The following PIK3CG variants were observed in gnomAD, a reference collection of about 807,000 sequenced individuals.
The protein encoded by PIK3CG is phosphatidylinositol 4,5-bisphosphate 3-kinase catalytic subunit gamma isoform.
A neutral mutation model predicts 102.3 loss-of-function variants in PIK3CG; 55 were observed. The ratio of observed to expected loss-of-function variants is 0.54; its 90% confidence interval spans 0.43 to 0.67. PIK3CG has a LOEUF of 0.67. Among genes scored for constraint, PIK3CG ranks in the 30% least tolerant of loss-of-function variants. The probability of loss-of-function intolerance (pLI) is 0.00; values close to 1 mark genes in which losing one functional copy is unlikely to be tolerated. For synonymous variants in PIK3CG, 552 were observed against 540.0 expected (o/e 1.02, Z -0.31); for missense variants, 1,258 against 1,391.8 (o/e 0.90, Z 1.53).
chr7:106,871,652 T>C (rs1180999119), intron 2 of PIK3CG, among the ~76,000 whole-genome samples: 3 of 103,006 alleles, frequency 2.9e-5, no homozygotes, highest in Non-Finnish European at 5.9e-5. Flanking sequence ...TATATATGCT[T>C]TTATAATAAT....
intron 2 of PIK3CG, among the ~76,000 whole-genome samples, chr7:106,870,595 G>T (rs998078115): frequency 1.3e-5 from 2 of 152,128 alleles, no homozygotes; most frequent in Middle Eastern, 3.2e-3. Flanking sequence ...CAGTCCAGGG[G>T]TCCAAGGGAC....
chr7:106,875,862 G>A (rs1467123942), intron 5 of PIK3CG, among the ~76,000 whole-genome samples: 1 of 148,660 alleles, frequency 6.7e-6, no homozygotes, highest in Non-Finnish European at 1.5e-5. Flanking sequence ...ATGAGTTCTA[G>A]TTGTTTCACA....
In PIK3CG at chr7:106,884,479, C is replaced by T. The variant is rs1791028218; in HGVS notation, c.2872+213C>T. ...CCCATTAAACACTAACTCCCCATGCCTCCCTCCTTTCAGAACGGAGTAGTC... is the reference window on the plus strand; with the variant it reads ...CCCATTAAACACTAACTCCCCATGCTTCCCTCCTTTCAGAACGGAGTAGTC... On this transcript the variant is annotated intron_variant, in intron 9 of 10. Coordinates refer to ENST00000496166, the MANE Select transcript of PIK3CG (RefSeq NM_001282426.2). This position sits in a 1 kb window ranked among gnomAD's most constrained non-coding sequence, Gnocchi z 4.2. 6.6e-6 allele frequency among the ~76,000 whole-genome samples: 1 copy of T among 152,200 alleles called. No individual in the cohort carries two copies. Among genetic ancestry groups the T allele is most frequent in the African/African-American group, 2.4e-5 (1 of 41,450 alleles).
Position 106,892,605 on chromosome 7 carries a change from C to T in PIK3CG, c.3030+6313C>T, listed in dbSNP as rs1468217626. 2.0e-5 allele frequency among the ~76,000 whole-genome samples: 3 copies of T among 152,230 alleles called. No homozygotes were observed. In the South Asian group the frequency reaches 6.2e-4, roughly 31 times the overall value. ...TGCAGATTATCTGTAGTGTATCAGA[C>T]ACTGCATTGGGCATAGGTGAGACAA... is the stretch of plus-strand genomic sequence containing the variant. On this transcript the variant is annotated intron_variant, in intron 10 of 10. Coordinates refer to ENST00000496166, the MANE Select transcript of PIK3CG (RefSeq NM_001282426.2). This position sits in a 1 kb window ranked among gnomAD's most constrained non-coding sequence, Gnocchi z 5.2.
Position 106,894,637 on chromosome 7 carries a change from C to A in PIK3CG, c.3030+8345C>A, listed in dbSNP as rs1049100820. ...AAAAACAAAATAACAAAATAAAATT[C>A]TCTGCCTTTGACTGGAATGATTTTT... On this transcript the variant is annotated intron_variant, in intron 10 of 10. Coordinates refer to ENST00000496166, the MANE Select transcript of PIK3CG (RefSeq NM_001282426.2). The surrounding 1 kb of genome is among the most constrained non-coding windows in gnomAD (Gnocchi z 4.4). Among the ~76,000 whole-genome samples the A allele has an allele frequency of 3.3e-5, 5 of 152,156 alleles. No individual in the cohort carries two copies. Among genetic ancestry groups the A allele is most frequent in the African/African-American group, 1.2e-4 (5 of 41,426 alleles).
At chr7:106,875,623 C>T (rs995520633) in intron 5 of PIK3CG, among the ~76,000 whole-genome samples, 1 of 152,076 alleles carries the variant, frequency 6.6e-6, no homozygotes, top group African/African-American at 2.4e-5. Context: ...ATTTTACTTT[C>T]CATAATGCTT....
At position 106,905,247 on chromosome 7, in the gene PIK3CG, G is replaced by A. The variant is rs2116618627; in HGVS notation, c.3169G>A (p.Val1057Met). 4 of 1,614,162 alleles carry A rather than the reference G, an allele frequency of 2.5e-6. No homozygotes were observed. The South Asian group carries it at 3.3e-5, about 13-fold the overall frequency. Residue 1057 changes from valine to methionine, a missense_variant, in exon 11 of 11, where the codon GTG (valine) becomes ATG (methionine). Around this residue, in one of 2 missense-constraint regions of PIK3CG, gnomAD observed 426 missense variants for 604.2 expected, o/e 0.71. Transcript: ENST00000496166. This position sits in a 1 kb window ranked among gnomAD's most constrained non-coding sequence, Gnocchi z 5.6. ...DIEYIRDALT[V>M]GKNEEDAKKY... ...TGAATATATCCGGGATGCCCTCACA[G>A]TGGGGAAAAATGAGGAGGATGCTAA...
At position 106,868,667 on chromosome 7, in the gene PIK3CG, A is replaced by C. The variant is rs774943298; in HGVS notation, c.1106A>C (p.Asp369Ala). Residue 369 changes from aspartate (D) to alanine (A), a missense_variant, in exon 2 of 11, where the codon GAT becomes GCT. Coordinates refer to ENST00000496166, the MANE Select transcript of PIK3CG (RefSeq NM_001282426.2). The surrounding 1 kb of genome is among the most constrained non-coding windows in gnomAD (Gnocchi z 6.2). ...TTCAGGGTCAAGATCAGAGGCATTG[A>C]TATCCCCGTCCTGCCTCGGAACACC... Reference protein sequence around the residue: ...RKFRVKIRGIDIPVLPRNTDL... With the variant: ...RKFRVKIRGIAIPVLPRNTDL... 4 of 1,614,072 alleles carry C rather than the reference A, an allele frequency of 2.5e-6. No homozygotes were observed. The highest frequency in any genetic ancestry group is 3.3e-4 in the Middle Eastern group (2 of 6,084).
At chr7:106,896,962 A>G (rs1791424708) in intron 10 of PIK3CG, among the ~76,000 whole-genome samples, 1 of 152,188 alleles carries the variant, frequency 6.6e-6, no homozygotes, top group Non-Finnish European at 1.5e-5. Flanking sequence ...CTAAAAGCAA[A>G]AGAAAACTCA....
chr7:106,884,090 AT>A lies in PIK3CG; in HGVS notation c.2761-62del. 3 of 1,205,486 alleles carry A rather than the reference AT, an allele frequency of 2.5e-6. No individual in the cohort carries two copies. Among genetic ancestry groups the A allele is most frequent in the Non-Finnish European group, 3.7e-6 (3 of 819,860 alleles). The allele number at this position is 1,205,486 out of a possible 1,614,324, so 74.7% of individuals were successfully genotyped here. On this transcript the variant is annotated intron_variant, in intron 8 of 10. Transcript: ENST00000496166. The surrounding 1 kb of genome is among the most constrained non-coding windows in gnomAD (Gnocchi z 4.2). ...CCAGAATATTCTCTTTTTAGAAGTCATTTGTAGATTCATGATGCTTTTTGTA... is the reference window on the plus strand; with the variant it reads ...CCAGAATATTCTCTTTTTAGAAGTCATTGTAGATTCATGATGCTTTTTGTA...
In PIK3CG at chr7:106,874,794, A is replaced by G. The variant is rs200227774; in HGVS notation, c.2382A>G (p.Gly794=). The change falls in exon 5 of 11, where the codon GGA becomes GGG. Residue 794 remains glycine (G), a synonymous_variant. Coordinates refer to ENST00000496166, the MANE Select transcript of PIK3CG (RefSeq NM_001282426.2). The surrounding 1 kb of genome is among the most constrained non-coding windows in gnomAD (Gnocchi z 4.3). ...CATATGATCCTGGACTGAAAGCAGG[A>G]GCGCTGGCAGTAGGTATCACTTGGA... ...RVPYDPGLKA[G]ALAIEKCKVM... The G allele has an allele frequency of 1.3e-5, 21 of 1,609,432 alleles. No homozygotes were observed. Among genetic ancestry groups the G allele is most frequent in the Non-Finnish European group, 1.6e-5 (19 of 1,176,066 alleles).
Position 106,905,705 on chromosome 7 carries a change from G to T in PIK3CG, c.*318G>T. The T allele has an allele frequency of 3.3e-6, 1 of 303,034 alleles. No homozygotes were observed. The highest frequency in any genetic ancestry group is 6.1e-6 in the Non-Finnish European group (1 of 164,382). The allele number at this position is 303,034 out of a possible 1,614,324, so 18.8% of individuals were successfully genotyped here. A position where few individuals can be genotyped will look rare whatever the true frequency, so the allele number is the denominator to read the frequency against. On this transcript the variant is annotated 3_prime_UTR_variant, in exon 11 of 11. Coordinates refer to ENST00000496166, the MANE Select transcript of PIK3CG (RefSeq NM_001282426.2). This position sits in a 1 kb window ranked among gnomAD's most constrained non-coding sequence, Gnocchi z 5.6. ...TATTTTGACTATCTTACTATTGAGT[G>T]CTTCTGGAAATTCTTTGGAATAATT...
Position 106,906,994 on chromosome 7 carries a change from G to A in PIK3CG, c.*1607G>A. ...AAATTAGCTGGGTATAGTGGTATGTGCCTGTAGTCCCAGGTACTCAGGAGG... is the reference window on the plus strand; with the variant it reads ...AAATTAGCTGGGTATAGTGGTATGTACCTGTAGTCCCAGGTACTCAGGAGG... On this transcript the variant is annotated 3_prime_UTR_variant, in exon 11 of 11. Transcript: ENST00000496166. The A allele has an allele frequency of 4.6e-6, 1 of 216,018 alleles. No individual in the cohort carries two copies. The highest frequency in any genetic ancestry group is 9.3e-6 in the Non-Finnish European group (1 of 107,262). 13.4% of individuals were successfully genotyped at this position (216,018 alleles called of 1,614,324 possible). A position where few individuals can be genotyped will look rare whatever the true frequency, so the allele number is the denominator to read the frequency against.
In PIK3CG at chr7:106,867,194, A is replaced by G. The variant is rs1441743833; in HGVS notation, c.-12-356A>G. On this transcript the variant is annotated intron_variant, in intron 1 of 10. Transcript: ENST00000496166. The surrounding 1 kb of genome is among the most constrained non-coding windows in gnomAD (Gnocchi z 5.1). ...CCTCTTTAAAATTTTCAAAGTATAC[A>G]AAAGTAGAACGACCAATAAGCCCCC... is the stretch of plus-strand genomic sequence containing the variant. Among the ~76,000 whole-genome samples, 3 of 152,202 alleles carry G rather than the reference A, an allele frequency of 2.0e-5. No homozygotes were observed. The highest frequency in any genetic ancestry group is 3.9e-4 in the East Asian group (2 of 5,194).
rs1790461898 is a variant in PIK3CG at position 106,869,617 on chromosome 7, C to T, written c.1995+61C>T. 2 of 1,340,546 alleles carry T rather than the reference C, an allele frequency of 1.5e-6. No individual in the cohort carries two copies. Among genetic ancestry groups the T allele is most frequent in the Middle Eastern group, 1.9e-4 (1 of 5,396 alleles). The allele number at this position is 1,340,546 out of a possible 1,614,324, so 83.0% of individuals were successfully genotyped here. On this transcript the variant is annotated intron_variant, in intron 2 of 10. Transcript: ENST00000496166. The surrounding 1 kb of genome is among the most constrained non-coding windows in gnomAD (Gnocchi z 5.3). ...CAAAAGGAATTGATTTGCATATGCA[C>T]AGGCACTCCATTCAGTTGTCATCAA... is the stretch of plus-strand genomic sequence containing the variant.
In PIK3CG at chr7:106,869,333, A is replaced by G. The variant is rs2116463239; in HGVS notation, c.1772A>G (p.Lys591Arg). 6.2e-7 allele frequency: 1 copy of G among 1,614,254 alleles called. No homozygotes were observed. Among genetic ancestry groups the G allele is most frequent in the Non-Finnish European group, 8.5e-7 (1 of 1,180,044 alleles). The part of the protein sequence containing the change: ...ESLKHPKAYP[K>R]LFSSVKWGQQ... ...CTTAAGCACCCAAAAGCATATCCTAAGCTATTTAGTTCAGTGAAATGGGGA... is the reference window on the plus strand; with the variant it reads ...CTTAAGCACCCAAAAGCATATCCTAGGCTATTTAGTTCAGTGAAATGGGGA... Residue 591 changes from lysine to arginine, a missense_variant, in exon 2 of 11, where the codon AAG (lysine) becomes AGG (arginine). Lys to Arg is a conservative substitution (Grantham distance 26). Coordinates refer to ENST00000496166, the MANE Select transcript of PIK3CG (RefSeq NM_001282426.2). The surrounding 1 kb of genome is among the most constrained non-coding windows in gnomAD (Gnocchi z 5.3).
In PIK3CG at chr7:106,874,795, G is replaced by C. The variant is rs945222564; in HGVS notation, c.2383G>C (p.Ala795Pro). Residue 795 changes from alanine to proline, a missense_variant, in exon 5 of 11, where the codon GCG becomes CCG. Coordinates refer to ENST00000496166, the MANE Select transcript of PIK3CG (RefSeq NM_001282426.2). The surrounding 1 kb of genome is among the most constrained non-coding windows in gnomAD (Gnocchi z 4.3). ...ATATGATCCTGGACTGAAAGCAGGA[G>C]CGCTGGCAGTAGGTATCACTTGGAT... ...VPYDPGLKAG[A>P]LAIEKCKVMA... 1 of 1,608,192 alleles carries C rather than the reference G, an allele frequency of 6.2e-7. No individual in the cohort carries two copies. The highest frequency in any genetic ancestry group is 1.3e-5 in the African/African-American group (1 of 74,900).
At chr7:106,878,054 C>T (rs1203818342) in intron 5 of PIK3CG, among the ~76,000 whole-genome samples, 1 of 152,170 alleles carries the variant, frequency 6.6e-6, no homozygotes, top group East Asian at 1.9e-4. Context: ...CTTCTAACAT[C>T]TTTTCTACTG....
At chr7:106,873,516 G>GT (rs1790612318) in intron 4 of PIK3CG, among the ~76,000 whole-genome samples, 1 of 152,144 alleles carries the variant, frequency 6.6e-6, no homozygotes, top group African/African-American at 2.4e-5. Context: ...ACAGTACAGT[G>GT]TAACAACTAT....
Sources: allele counts gnomAD v4.1 joint callset (sites outside exome capture counted in the v4.1 genomes callset), GRCh38; gene constraint gnomAD v4.1.1; regional missense constraint gnomAD v4.1.1; non-coding constraint Gnocchi (gnomAD v3.1); transcripts MANE v1.5; gene names NCBI Gene and HGNC (gene_info 2026-07-23, HGNC 2026-07-21).